The following LINGO1 variants were observed in gnomAD, a reference collection of about 807,000 sequenced individuals.
The protein encoded by LINGO1 is leucine rich repeat and Ig domain containing 1.
In LINGO1, 11 loss-of-function variants were observed where a neutral mutation model predicts 37.3. The ratio of observed to expected loss-of-function variants is 0.29; its 90% CI spans 0.19 to 0.49. The LOEUF is 0.49. Ranked by LOEUF, LINGO1 falls within the 20% of genes least tolerant of loss-of-function variation. The pLI, the probability that LINGO1 is intolerant of heterozygous loss-of-function variation, is 0.99. For synonymous variants in LINGO1, 387 were observed against 403.0 expected, an observed-to-expected ratio of 0.96 and a Z score of 0.48; for missense variants, 585 against 878.2, an observed-to-expected ratio of 0.67 and a Z score of 4.22.
At chr15:77,642,279 T>A (rs1457557042) in intron 3 of LINGO1, among the ~76,000 whole-genome samples, 1 of 152,194 alleles carries the variant, frequency 6.6e-6, no homozygotes, top group Non-Finnish European at 1.5e-5. Flanking sequence ...TGGTTCATCC[T>A]AGGCTTCACC....
At chr15:77,644,466 T>C (rs1185718365) in intron 3 of LINGO1, among the ~76,000 whole-genome samples, 1 of 152,198 alleles carries the variant, frequency 6.6e-6, no homozygotes, top group Non-Finnish European at 1.5e-5. Context: ...CAAACAGGCT[T>C]GAGCATCTAC....
At chr15:77,747,453 T>C (rs2076325528) in intron 1 of LINGO1, among the ~76,000 whole-genome samples, 2 of 152,182 alleles carry the variant, frequency 1.3e-5, no homozygotes, top group Admixed American at 6.5e-5. Flanking sequence ...TCACTCCCCC[T>C]GCAAGCCTCT....
intron 2 of LINGO1, among the ~76,000 whole-genome samples, chr15:77,686,970 AC>A (rs1432727690): frequency 6.6e-6 from 1 of 152,192 alleles, no homozygotes. Context: ...TTGCCCAGAG[AC>A]AGCAGACTTG....
chr15:77,805,019 G>T (rs4426322), intron 1 of LINGO1, among the ~76,000 whole-genome samples: 1 of 152,094 alleles, frequency 6.6e-6, no homozygotes, highest in African/African-American at 2.4e-5. Flanking sequence ...GGCCTCCCTC[G>T]GCCTGGCCTG....
intron 1 of LINGO1, among the ~76,000 whole-genome samples, chr15:77,801,919 T>C (rs2076922438): frequency 6.6e-6 from 1 of 152,164 alleles, no homozygotes; most frequent in East Asian, 1.9e-4. Flanking sequence ...GGGGTTTCTC[T>C]AGGTATCCAG....
chr15:77,704,828 C>A (rs1044042490), intron 2 of LINGO1, among the ~76,000 whole-genome samples: 1 of 152,206 alleles, frequency 6.6e-6, no homozygotes, highest in Non-Finnish European at 1.5e-5. Context: ...ACATACTGAG[C>A]CCTGACTGTG....
At chr15:77,726,264 C>T (rs2076101310) in intron 2 of LINGO1, among the ~76,000 whole-genome samples, 1 of 152,214 alleles carries the variant, frequency 6.6e-6, no homozygotes, top group African/African-American at 2.4e-5. Flanking sequence ...TGACCCTACC[C>T]AGAGGTCCCC....
intron 2 of LINGO1, among the ~76,000 whole-genome samples, chr15:77,686,098 G>A (rs907864165): frequency 3.3e-5 from 5 of 152,122 alleles, no homozygotes; most frequent in Admixed American, 1.3e-4. Flanking sequence ...GGTGGGACCC[G>A]GAATGGGGAG....
At chr15:77,669,049 C>T (rs1047274618) in intron 3 of LINGO1, among the ~76,000 whole-genome samples, 1 of 152,254 alleles carries the variant, frequency 6.6e-6, no homozygotes, top group African/African-American at 2.4e-5. Flanking sequence ...ATCCCTTCTT[C>T]GCCGCTGTGC....
intron 2 of LINGO1, among the ~76,000 whole-genome samples, chr15:77,677,891 G>C (rs992257093): frequency 3.3e-5 from 5 of 152,070 alleles, no homozygotes; most frequent in African/African-American, 9.7e-5. Context: ...GCCCTCAGTG[G>C]CACCCACCAT....
chr15:77,673,723 C>A (rs2075286605), intron 3 of LINGO1, among the ~76,000 whole-genome samples: 3 of 152,148 alleles, frequency 2.0e-5, no homozygotes, highest in Admixed American at 1.3e-4. Flanking sequence ...ATGCTGATAG[C>A]CCCAAATTTG....
intron 1 of LINGO1, among the ~76,000 whole-genome samples, chr15:77,756,808 A>C (rs1265470547): frequency 6.6e-6 from 1 of 152,202 alleles, no homozygotes; most frequent in Non-Finnish European, 1.5e-5. Context: ...CTGCCTCCCT[A>C]GAGGGCACTG....
chr15:77,642,025 G>T, intron 3 of LINGO1: 1 of 456,526 alleles, frequency 2.2e-6, no homozygotes, highest in Non-Finnish European at 4.4e-6. Flanking sequence ...GCCTATCTTG[G>T]AGGGTTGTGG....
chr15:77,713,210 TTGTGTGTGTGTGTGTGTG>T (rs57831674), intron 2 of LINGO1, among the ~76,000 whole-genome samples: 94 of 123,776 alleles, frequency 7.6e-4, no homozygotes, highest in African/African-American at 2.2e-3. Context: ...GCCCAGCTAA[TTGTGTGTGTGTGTGTGTG>T]TGTGTGTGTG....
In LINGO1 at chr15:77,640,218, G is replaced by A. The variant is rs116585287; in HGVS notation, c.-12-24318C>T. 7.0e-3 allele frequency among the ~76,000 whole-genome samples: 1,071 copies of A among 152,274 alleles called. 16 individuals are homozygous for A. The highest frequency in any genetic ancestry group is 0.024 in the African/African-American group (985 of 41,550). On this transcript the variant is annotated intron_variant, in intron 3 of 3. Coordinates refer to the LINGO1 transcript ENST00000559893. ...TAGATAGGTGTGGCTTGAGAGACTCGCAAAGTCTTGATTAATCAACCTGGA... is the reference window on the plus strand; with the variant it reads ...TAGATAGGTGTGGCTTGAGAGACTCACAAAGTCTTGATTAATCAACCTGGA...
chr15:77,768,732 A>T (rs2076554892), intron 1 of LINGO1, among the ~76,000 whole-genome samples: 1 of 152,098 alleles, frequency 6.6e-6, no homozygotes, highest in South Asian at 2.1e-4. Flanking sequence ...CGCCCCTCTC[A>T]GCAGCCAAGC....
At chr15:77,687,507 T>G (rs2075532262) in intron 2 of LINGO1, among the ~76,000 whole-genome samples, 1 of 152,228 alleles carries the variant, frequency 6.6e-6, no homozygotes, top group South Asian at 2.1e-4. Context: ...AGGCTGGTCC[T>G]ATGCTCCACT....
At chr15:77,714,519 A>C (rs2075959660) in intron 2 of LINGO1, among the ~76,000 whole-genome samples, 1 of 150,504 alleles carries the variant, frequency 6.6e-6, no homozygotes, top group Admixed American at 6.6e-5. Context: ...CATCCCCCTC[A>C]CGGTCCTCCC....
upstream of LINGO1, among the ~76,000 whole-genome samples, chr15:77,790,429 G>A (rs1333170000): frequency 1.3e-5 from 2 of 152,200 alleles, no homozygotes; most frequent in Non-Finnish European, 1.5e-5. Flanking sequence ...TAAAGCTCTC[G>A]ACACCTGTAG....
Sources: allele counts gnomAD v4.1 joint callset (sites outside exome capture counted in the v4.1 genomes callset), GRCh38; gene constraint gnomAD v4.1.1; transcripts MANE v1.5; gene names NCBI Gene and HGNC (gene_info 2026-07-23, HGNC 2026-07-21).